TIAM2: variants seen among roughly 807,000 people sequenced by gnomAD.
TIAM2 encodes TIAM Rac1 associated GEF 2, also known as rho guanine nucleotide exchange factor TIAM2.
Under a neutral mutation model 152.9 loss-of-function variants are expected in TIAM2, and 80 were observed. That is an observed-to-expected ratio of 0.52 (90% CI 0.44 to 0.63). The LOEUF is 0.63. Ranked by LOEUF, TIAM2 falls within the 30% of genes least tolerant of loss-of-function variation. The probability of loss-of-function intolerance (pLI) is 0.00; values close to 1 mark genes in which losing one functional copy is unlikely to be tolerated. For missense variants in TIAM2, 1,965 were observed against 2,120.1 expected (o/e 0.93, Z 1.44); for synonymous variants, 804 against 838.0 (o/e 0.96, Z 0.70).
chr6:155,130,818 G>A (rs568314574), intron 4 of TIAM2, among the ~76,000 whole-genome samples: 3 of 152,212 alleles, frequency 2.0e-5, no homozygotes, highest in South Asian at 2.1e-4. Flanking sequence ...GTCCTCATGC[G>A]GCAGAGAGAG....
intron 14 of TIAM2, among the ~76,000 whole-genome samples, chr6:155,205,899 G>A (rs1378173415): frequency 6.6e-6 from 1 of 152,252 alleles, no homozygotes; most frequent in Non-Finnish European, 1.5e-5. Context: ...TGGAAATGAT[G>A]TAACTGTACA....
intron 9 of TIAM2, among the ~76,000 whole-genome samples, chr6:155,170,500 C>T (rs1410112481): frequency 6.6e-6 from 1 of 152,064 alleles, no homozygotes; most frequent in Non-Finnish European, 1.5e-5. Context: ...TCCTCGGAGG[C>T]TGAGGTGGGA....
chr6:155,223,555 TCA>T (rs1480699382), intron 15 of TIAM2, among the ~76,000 whole-genome samples: 6 of 151,082 alleles, frequency 4.0e-5, no homozygotes, highest in Middle Eastern at 3.4e-3. Context: ...ACTCTGCACT[TCA>T]ATGGATGCAA....
At chr6:155,191,034 T>C (rs866911359) in intron 14 of TIAM2, among the ~76,000 whole-genome samples, 69 of 152,362 alleles carry the variant, frequency 4.5e-4, no homozygotes, top group Middle Eastern at 6.8e-3. Flanking sequence ...TCTTTTTAGC[T>C]CTCGTGTTTA....
At chr6:155,184,426 G>C (rs1780985212) in intron 14 of TIAM2, among the ~76,000 whole-genome samples, 1 of 152,176 alleles carries the variant, frequency 6.6e-6, no homozygotes, top group Non-Finnish European at 1.5e-5. Context: ...CTGAAGTTTT[G>C]AGTTGATCAT....
At chr6:155,221,607 A>C (rs1263877822) in intron 15 of TIAM2, among the ~76,000 whole-genome samples, 1 of 152,214 alleles carries the variant, frequency 6.6e-6, no homozygotes, top group Non-Finnish European at 1.5e-5. Flanking sequence ...AGGAGTCATC[A>C]GCCAGCTCCC....
chr6:155,080,065 T>C (rs1359697767), intron 1 of TIAM2, among the ~76,000 whole-genome samples: 2 of 152,226 alleles, frequency 1.3e-5, no homozygotes, highest in Non-Finnish European at 2.9e-5. Flanking sequence ...GAAACTCTCA[T>C]GTGTTCCTTT....
At chr6:155,242,876 C>T (rs976209427) in intron 16 of TIAM2, among the ~76,000 whole-genome samples, 2 of 150,846 alleles carry the variant, frequency 1.3e-5, no homozygotes, top group Non-Finnish European at 2.9e-5. Flanking sequence ...GCTGGGACTA[C>T]AGGCACCCGC....
At chr6:155,154,555 T>C (rs574927837) in intron 7 of TIAM2, among the ~76,000 whole-genome samples, 2 of 150,572 alleles carry the variant, frequency 1.3e-5, no homozygotes, top group African/African-American at 5.0e-5. Flanking sequence ...GGAGGAAGAG[T>C]TGTAAATTAA....
intron 1 of TIAM2, among the ~76,000 whole-genome samples, chr6:155,038,521 G>A (rs978041691): frequency 6.6e-6 from 1 of 152,164 alleles, no homozygotes; most frequent in Non-Finnish European, 1.5e-5. Context: ...CTTTGCTTTC[G>A]GTCTCTGTTC....
In TIAM2 at chr6:155,200,552, ACCGT is replaced by A. The variant is rs1239737968; in HGVS notation, c.3065-10650_3065-10647del. On this transcript the variant is annotated intron_variant, in intron 14 of 26. Transcript: ENST00000682666. ...TTCACAAAATTGTGCAACCATCACT[ACCGT>A]CTAATTCCACAATATTTTTATTCCC... 4.6e-5 allele frequency among the ~76,000 whole-genome samples: 7 copies of A among 152,276 alleles called. 2 individuals are homozygous for A. In the East Asian group the frequency reaches 1.4e-3, roughly 29 times the overall value.
At chr6:155,111,936 G>A (rs7744949) in intron 2 of TIAM2, among the ~76,000 whole-genome samples, 2,250 of 152,068 alleles carry the variant, frequency 0.015, 68 homozygotes, top group African/African-American at 0.051. Flanking sequence ...CAATCCAGTC[G>A]GTCTTTCTCC....
In TIAM2 at chr6:155,245,729, G is replaced by T; in HGVS notation, c.3650G>T (p.Arg1217Leu). ...NHIKVQKVLERAKTDKAFKAF... is the reference protein window; with the variant it reads ...NHIKVQKVLELAKTDKAFKAF... ...ATCAAAGTACAGAAGGTTCTGGAGCGAGGTAAGTTGCTTATGCCTTTTATA... is the reference window on the plus strand; with the variant it reads ...ATCAAAGTACAGAAGGTTCTGGAGCTAGGTAAGTTGCTTATGCCTTTTATA... Residue 1217 changes from arginine (R) to leucine (L), a missense_variant and splice_region_variant, in exon 19 of 27, where the codon CGA (arginine) becomes CTA (leucine). Physicochemically the swap from Arg to Leu is moderately radical, Grantham distance 102 (BLOSUM62 -2). Coordinates refer to ENST00000682666, the MANE Select transcript of TIAM2 (RefSeq NM_012454.4). 6.5e-7 allele frequency: 1 copy of T among 1,534,588 alleles called. No homozygotes were observed. Among genetic ancestry groups the T allele is most frequent in the South Asian group, 1.2e-5 (1 of 83,464 alleles).
Position 155,104,626 on chromosome 6 carries a change from G to A in TIAM2, c.-118+14247G>A, listed in dbSNP as rs371877859. On this transcript the variant is annotated intron_variant, in intron 2 of 26. Coordinates refer to ENST00000682666, the MANE Select transcript of TIAM2 (RefSeq NM_012454.4). ...CAAAAAATTAGCTGGGCGTGGTGGCGGGCGCTTGTAGTCCCAGCTACTAGG... is the reference window on the plus strand; with the variant it reads ...CAAAAAATTAGCTGGGCGTGGTGGCAGGCGCTTGTAGTCCCAGCTACTAGG... Among the ~76,000 whole-genome samples, 127 of 152,058 alleles carry A rather than the reference G, an allele frequency of 8.4e-4. No homozygotes were observed. In the South Asian group the frequency reaches 0.013, roughly 15 times the overall value.
At chr6:155,005,168 C>A in intron 1 of TIAM2, 2 of 228,694 alleles carry the variant, frequency 8.7e-6, no homozygotes, top group Admixed American at 4.0e-5. Context: ...AGCTCATCAG[C>A]AGCTTGTCCC....
Position 155,029,386 on chromosome 6 carries a change from T to G in TIAM2, c.-209+33894T>G, listed in dbSNP as rs550391071. Among the ~76,000 whole-genome samples, 238 of 77,532 alleles carry G rather than the reference T, an allele frequency of 3.1e-3. 1 individual carries two copies. The highest frequency in any genetic ancestry group is 5.4e-3 in the Non-Finnish European group (204 of 37,960). 50.9% of individuals were successfully genotyped at this position (77,532 alleles called of 152,430 possible). On this transcript the variant is annotated intron_variant, in intron 1 of 26. Coordinates refer to ENST00000682666, the MANE Select transcript of TIAM2 (RefSeq NM_012454.4). ...ATAATATATACTATATATACTATGTTATATATATACTATAGTATATATAAT... is the reference window on the plus strand; with the variant it reads ...ATAATATATACTATATATACTATGTGATATATATACTATAGTATATATAAT...
At position 155,130,156 on chromosome 6, in the gene TIAM2, C is replaced by T. The variant is rs771959007; in HGVS notation, c.933C>T (p.Leu311=). The T allele has an allele frequency of 4.2e-5, 68 of 1,614,068 alleles. No homozygotes were observed. The East Asian group carries it at 1.5e-3, about 35-fold the overall frequency. ...ELYKDANLGS[L]SPSGIRLSDE... is the part of the protein sequence containing the mutation. ...ACAAAGATGCCAACCTGGGGAGCCT[C>T]TCCCCCTCAGGTATCCGCCTTTCTG... The change falls in exon 4 of 27, where the codon CTC becomes CTT. Residue 311 remains leucine, a synonymous_variant. Coordinates refer to ENST00000682666, the MANE Select transcript of TIAM2 (RefSeq NM_012454.4).
chr6:155,224,937 T>C (rs2115251179), intron 15 of TIAM2, among the ~76,000 whole-genome samples: 1 of 152,210 alleles, frequency 6.6e-6, no homozygotes, highest in East Asian at 1.9e-4. Flanking sequence ...TCTCAGCTGG[T>C]TTTGGGATTT....
chr6:155,213,236 G>T lies in TIAM2; in HGVS notation c.3168+1929G>T, dbSNP rs1316520511. 1.3e-5 allele frequency among the ~76,000 whole-genome samples: 2 copies of T among 152,200 alleles called. No homozygotes were observed. Among genetic ancestry groups the T allele is most frequent in the African/African-American group, 2.4e-5 (1 of 41,448 alleles). The stretch of plus-strand genomic sequence containing the variant: ...GGAGGTATGCGGGCAAGGGGAGGGT[G>T]AGCAAGGTGAAGAGGAGCTTTATTG... On this transcript the variant is annotated intron_variant, in intron 15 of 26. Transcript: ENST00000682666. This position sits in a 1 kb window ranked among gnomAD's most constrained non-coding sequence, Gnocchi z 4.2.
Sources: gnomAD v4.1 joint callset for allele counts (sites outside exome capture counted in the v4.1 genomes callset) on GRCh38, gnomAD v4.1.1 for gene constraint, Gnocchi (gnomAD v3.1) non-coding constraint, MANE v1.5 for transcripts, NCBI Gene and HGNC (gene_info 2026-07-23, HGNC 2026-07-21) for gene names.